The following IL18BP variants were observed in gnomAD, a reference collection of about 807,000 sequenced individuals.
IL18BP encodes the protein interleukin 18 binding protein, also known as interleukin-18-binding protein.
A neutral mutation model predicts 19.9 loss-of-function variants in IL18BP; 23 were observed. That is an observed-to-expected ratio of 1.15 (90% CI 0.83 to 1.64). The LOEUF (loss-of-function observed/expected upper bound fraction) is 1.64, where lower values mean the gene tolerates loss of function less well. Ranked by LOEUF, IL18BP falls within the 40% of genes most tolerant of loss-of-function variation. IL18BP has a pLI of 0.00. For synonymous variants in IL18BP, 107 were observed against 101.0 expected (o/e 1.06, Z -0.35); for missense variants, 239 against 240.7 (o/e 0.99, Z 0.05).
At chr11:71,999,272 G>A (rs1463036138) in intron 1 of IL18BP, 1 of 420,250 alleles carries the variant, frequency 2.4e-6, no homozygotes, top group Non-Finnish European at 4.7e-6. Flanking sequence ...GAAGGTGAAG[G>A]AGGAAGCAGA....
chr11:72,005,419 A>C, downstream of IL18BP: 1 of 1,576,660 alleles, frequency 6.3e-7, no homozygotes, highest in Non-Finnish European at 8.6e-7. Flanking sequence ...TCGGCAGGTC[A>C]CCTCCTGGCC....
chr11:72,006,279 A>C (rs529431747), downstream of IL18BP: 40 of 1,610,696 alleles, frequency 2.5e-5, no homozygotes, highest in South Asian at 4.1e-4. Flanking sequence ...AGACAGAGTG[A>C]ATCTGTTGCA....
At chr11:72,000,702 A>G (rs1955169620) in intron 3 of IL18BP, 145 bp downstream of exon 3, 1 of 682,348 alleles carries the variant, frequency 1.5e-6, no homozygotes. Flanking sequence ...TCCCCAACCC[A>G]GTGTCATGGG....
chr11:72,004,913 T>A, downstream of IL18BP: 1 of 1,208,954 alleles, frequency 8.3e-7, no homozygotes, highest in Non-Finnish European at 1.1e-6. Flanking sequence ...CCGACACTTA[T>A]GGTCGGGACC....
At chr11:72,006,085 C>T (rs777276380), downstream of IL18BP, 15 of 1,613,816 alleles carry the variant, frequency 9.3e-6, no homozygotes, top group East Asian at 6.7e-5. Context: ...AGCAGAACTG[C>T]GAGTGGTGGG....
chr11:72,003,437 G>C (rs1955398263), downstream of IL18BP: 1 of 1,304,122 alleles, frequency 7.7e-7, no homozygotes. Flanking sequence ...CCTGGGAGCT[G>C]AGAGAAGGCA....
At chr11:72,000,664 A>G (rs1955167165) in intron 3 of IL18BP, 107 bp downstream of exon 3, 2 of 886,944 alleles carry the variant, frequency 2.3e-6, no homozygotes, top group Non-Finnish European at 3.5e-6. Flanking sequence ...CAGCTGAGCC[A>G]GCTGGGCTGA....
At chr11:72,003,604 G>A, downstream of IL18BP, 3 of 1,591,282 alleles carry the variant, frequency 1.9e-6, no homozygotes, top group Non-Finnish European at 8.6e-7. Flanking sequence ...CACTGGCTGG[G>A]AAGATCTCTT....
At chr11:72,001,180 A>C (rs1440219363) in intron 3 of IL18BP, 21 bp from the exon 4 acceptor site, 1 of 1,613,920 alleles carries the variant, frequency 6.2e-7, no homozygotes, top group East Asian at 2.2e-5. Context: ...CTGAAGAGCT[A>C]ACTGCTGCCT....
downstream of IL18BP, chr11:72,007,139 G>A (rs767006715): frequency 5.0e-6 from 8 of 1,593,972 alleles, no homozygotes; most frequent in South Asian, 8.9e-5. Context: ...AGATGCCCTT[G>A]AGAGGAAGTG....
downstream of IL18BP, chr11:72,007,988 G>T: frequency 2.5e-6 from 1 of 402,346 alleles, no homozygotes; most frequent in East Asian, 6.5e-5. Flanking sequence ...CTCAGGCCAG[G>T]CTGCCCAGGG....
At chr11:72,006,471 C>T (rs185923052), downstream of IL18BP, among the ~76,000 whole-genome samples, 4 of 152,286 alleles carry the variant, frequency 2.6e-5, no homozygotes, top group Admixed American at 6.5e-5. Context: ...GACTCTTCTA[C>T]GCATTTTTTT....
At chr11:72,004,382 A>C (rs749748795), downstream of IL18BP, 8 of 1,558,438 alleles carry the variant, frequency 5.1e-6, no homozygotes, top group Admixed American at 3.5e-5. Flanking sequence ...TAGCAAGAGG[A>C]GTCACATCTG....
downstream of IL18BP, chr11:72,003,348 G>A (rs1320020088): frequency 6.6e-5 from 43 of 655,296 alleles, no homozygotes; most frequent in Non-Finnish European, 1.1e-5. Context: ...CCAGCTCCGA[G>A]AAGGCGCCAG....
At chr11:72,006,347 C>G (rs1349649581), downstream of IL18BP, 8 of 1,147,602 alleles carry the variant, frequency 7.0e-6, no homozygotes, top group African/African-American at 1.1e-4. Context: ...GCCCTCAGAT[C>G]CCACGGCACA....
downstream of IL18BP, chr11:72,008,162 A>C: frequency 2.1e-6 from 1 of 477,134 alleles, no homozygotes; most frequent in Non-Finnish European, 4.2e-6. Context: ...CAAAATAAGT[A>C]AATGTAAGTG....
At chr11:72,003,374 C>A, downstream of IL18BP, 7 of 753,602 alleles carry the variant, frequency 9.3e-6, no homozygotes, top group South Asian at 1.1e-4. Context: ...GACCAGGGAC[C>A]AGGCCAGGGT....
downstream of IL18BP, chr11:72,007,574 T>G: frequency 8.9e-7 from 1 of 1,122,334 alleles, no homozygotes. Flanking sequence ...TTTTCAGAGG[T>G]ACCAAGGAAA....
chr11:72,000,746 A>G (rs1955172804), intron 3 of IL18BP, among the ~76,000 whole-genome samples, 189 bp downstream of exon 3: 1 of 152,152 alleles, frequency 6.6e-6, no homozygotes, highest in Admixed American at 6.5e-5. Flanking sequence ...GATGCTCCCT[A>G]TCAAATAGGA....
Sources: gnomAD v4.1 joint callset for allele counts (sites outside exome capture counted in the v4.1 genomes callset) on GRCh38, gnomAD v4.1.1 for gene constraint, MANE v1.5 for transcripts, NCBI Gene and HGNC (gene_info 2026-07-23, HGNC 2026-07-21) for gene names.